Variants in PTPRF observed in about 807,000 individuals in gnomAD.
PTPRF encodes receptor-type tyrosine-protein phosphatase F.
Under a neutral mutation model 201.8 loss-of-function variants are expected in PTPRF, and 59 were observed. The ratio of observed to expected loss-of-function variants is 0.29; its 90% CI spans 0.24 to 0.36. PTPRF has a LOEUF of 0.36. PTPRF is among the 10% of genes least tolerant of loss of function. PTPRF has a pLI of 1.00. For missense variants in PTPRF, 2,132 were observed against 2,690.5 expected (o/e 0.79, Z 4.59); for synonymous variants, 1,088 against 1,089.7 (o/e 1.00, Z 0.03).
At chr1:43,561,676 G>C (rs887148957) in intron 5 of PTPRF, among the ~76,000 whole-genome samples, 1 of 152,146 alleles carries the variant, frequency 6.6e-6, no homozygotes, top group African/African-American at 2.4e-5. Flanking sequence ...CCCCATGACT[G>C]CAGTAGATTT....
chr1:43,620,258 C>T (rs1447068032), intron 30 of PTPRF, 37 bp downstream of exon 30: 1 of 1,610,276 alleles, frequency 6.2e-7, no homozygotes, highest in Middle Eastern at 1.7e-4. Context: ...CCTGTCATAC[C>T]TGGGAGAACA....
chr1:43,557,488 A>C (rs921192032), intron 5 of PTPRF, among the ~76,000 whole-genome samples: 2 of 151,682 alleles, frequency 1.3e-5, no homozygotes, highest in Admixed American at 6.6e-5. Flanking sequence ...TACAAAATTA[A>C]CTGGGCGTGG....
intron 3 of PTPRF, among the ~76,000 whole-genome samples, chr1:43,551,424 C>T (rs1645031934): frequency 6.6e-6 from 1 of 152,214 alleles, no homozygotes; most frequent in African/African-American, 2.4e-5. Context: ...CTTCAAAGGG[C>T]ATTCAGGGGA....
chr1:43,556,245 T>G (rs1456802169), intron 5 of PTPRF, among the ~76,000 whole-genome samples: 1 of 152,114 alleles, frequency 6.6e-6, no homozygotes, highest in Non-Finnish European at 1.5e-5. Flanking sequence ...TTGTTGTTGT[T>G]GTTGTTTGGT....
At chr1:43,568,552 T>G (rs1646348072) in intron 5 of PTPRF, among the ~76,000 whole-genome samples, 1 of 152,196 alleles carries the variant, frequency 6.6e-6, no homozygotes, top group African/African-American at 2.4e-5. Flanking sequence ...TTGAACCCTG[T>G]GTACAGATAA....
upstream of PTPRF, among the ~76,000 whole-genome samples, chr1:43,529,760 C>T (rs1032353702): frequency 6.6e-6 from 1 of 152,212 alleles, no homozygotes; most frequent in African/African-American, 2.4e-5. Context: ...TCATCAAATC[C>T]CTCTGATCAG....
chr1:43,573,625 T>C (rs1216446905), intron 6 of PTPRF, among the ~76,000 whole-genome samples: 2 of 152,238 alleles, frequency 1.3e-5, no homozygotes, highest in East Asian at 1.9e-4. Flanking sequence ...TGCCAGTGCA[T>C]GCTCACAATT....
chr1:43,601,466 T>G (rs1405726430), intron 13 of PTPRF, among the ~76,000 whole-genome samples: 2 of 152,258 alleles, frequency 1.3e-5, no homozygotes, highest in Non-Finnish European at 2.9e-5. Flanking sequence ...GCTGACTGGC[T>G]TGCCCTTGGG....
Position 43,621,999 on chromosome 1 carries a change from C to G in PTPRF, c.5720C>G (p.Thr1907Arg). Residue 1907 changes from threonine to arginine, a missense_variant, in exon 34 of 34, where the codon ACG becomes AGG. Thr to Arg is a moderately conservative substitution (Grantham distance 71). Coordinates refer to ENST00000359947, the MANE Select transcript of PTPRF (RefSeq NM_002840.5). Reference sequence around the variant, plus strand: ...CTCGGCAGCTTTGACCACTATGCAACGTAACTACCGCTCCCCTCTCCTCCG... The same window carrying G: ...CTCGGCAGCTTTGACCACTATGCAAGGTAACTACCGCTCCCCTCTCCTCCG... Reference protein sequence around the residue: ...EYLGSFDHYAT With the variant: ...EYLGSFDHYAR The G allele has an allele frequency of 6.2e-7, 1 of 1,614,082 alleles. No homozygotes were observed. The highest frequency in any genetic ancestry group is 8.5e-7 in the Non-Finnish European group (1 of 1,179,978).
intron 7 of PTPRF, among the ~76,000 whole-genome samples, chr1:43,583,384 A>G (rs888260463): frequency 4.6e-5 from 7 of 152,006 alleles, no homozygotes; most frequent in African/African-American, 1.7e-4. Flanking sequence ...ATGAAACTGT[A>G]CCCCACCTTT....
At chr1:43,541,072 C>T (rs1288035291) in intron 2 of PTPRF, among the ~76,000 whole-genome samples, 2 of 152,234 alleles carry the variant, frequency 1.3e-5, no homozygotes, top group Admixed American at 6.5e-5. Context: ...CTCTTCCCTT[C>T]CTGTTGCCCA....
chr1:43,555,578 T>C (rs1418956547), intron 5 of PTPRF, among the ~76,000 whole-genome samples: 1 of 151,806 alleles, frequency 6.6e-6, no homozygotes, highest in Admixed American at 6.6e-5. Context: ...CCCGAGTAGC[T>C]GGGACTACAG....
chr1:43,570,196 A>G (rs948952203), intron 6 of PTPRF, among the ~76,000 whole-genome samples: 2 of 152,228 alleles, frequency 1.3e-5, no homozygotes, highest in African/African-American at 4.8e-5. Flanking sequence ...ATCAGGCTTC[A>G]AAAGGCTGGA....
chr1:43,528,203 T>C (rs2153943160), upstream of PTPRF, among the ~76,000 whole-genome samples: 1 of 152,320 alleles, frequency 6.6e-6, no homozygotes, highest in South Asian at 2.1e-4. Flanking sequence ...TATTTTATTT[T>C]ATTTTTTAAA....
chr1:43,568,569 CAAAG>C (rs1275022974), intron 5 of PTPRF, among the ~76,000 whole-genome samples: 1 of 152,186 alleles, frequency 6.6e-6, no homozygotes, highest in East Asian at 1.9e-4. Flanking sequence ...ATAAAGGAGA[CAAAG>C]AATGAGTAAC....
In PTPRF at chr1:43,617,720, C is replaced by A. The variant is rs774798469; in HGVS notation, c.4196-16C>A. 1 of 1,609,090 alleles carries A rather than the reference C, an allele frequency of 6.2e-7. No individual in the cohort carries two copies. On this transcript the variant is annotated splice_polypyrimidine_tract_variant and intron_variant, in intron 24 of 33. Transcript: ENST00000359947. ...ACCCTGTAGTAATGCCCTCCCACCT[C>A]CTTTCTTATCCATAGGCGTCCCCGG...
At chr1:43,620,383 TCCTGTGAAG>T in intron 30 of PTPRF, 62 bp from the exon 31 acceptor site, 1 of 1,538,000 alleles carries the variant, frequency 6.5e-7, no homozygotes, top group Non-Finnish European at 8.9e-7. Context: ...TGTCCCAGAA[TCCTGTGAAG>T]CCTGGCACCC....
chr1:43,585,880 C>T (rs1255267937), intron 7 of PTPRF, among the ~76,000 whole-genome samples: 1 of 152,188 alleles, frequency 6.6e-6, no homozygotes, highest in African/African-American at 2.4e-5. Context: ...ATTCCACCAC[C>T]GACTGGGGTC....
At chr1:43,606,530 ACAC>A (rs1343513256) in intron 20 of PTPRF, 72 bp downstream of exon 20, 4 of 1,383,766 alleles carry the variant, frequency 2.9e-6, no homozygotes, top group Non-Finnish European at 4.0e-6. Flanking sequence ...CCAGTCTCAA[ACAC>A]CACAAGACCC....
Sources: allele counts gnomAD v4.1 joint callset (sites outside exome capture counted in the v4.1 genomes callset), GRCh38; gene constraint gnomAD v4.1.1; transcripts MANE v1.5; gene names NCBI Gene and HGNC (gene_info 2026-07-23, HGNC 2026-07-21).